The following AFDN variants were observed in gnomAD, a reference collection of about 807,000 sequenced individuals.
AFDN encodes afadin.
AFDN carries 68 observed loss-of-function variants against 216.6 expected under a neutral mutation model. The observed-to-expected ratio is 0.31, with a 90% confidence interval of 0.26 to 0.38. The LOEUF is 0.38. AFDN is among the 10% of genes least tolerant of loss of function. The probability of loss-of-function intolerance (pLI) is 1.00; values close to 1 mark genes in which losing one functional copy is unlikely to be tolerated. For missense variants in AFDN, 2,136 were observed against 2,342.0 expected (o/e 0.91, Z 1.82); for synonymous variants, 868 against 853.7 (o/e 1.02, Z -0.29).
rs1214479932 is a variant in AFDN, at chr6:167,970,024, G to T, written c.*89G>T. On this transcript the variant is annotated 3_prime_UTR_variant, in exon 34 of 34. Transcript: ENST00000683244. ...CGAGTTTGAAGAGGAAAAGAGGAAG[G>T]GGGTTATATTTCTAAGTGATTTACA... 9 of 1,005,864 alleles carry T rather than the reference G, an allele frequency of 8.9e-6. No homozygotes were observed. Among genetic ancestry groups the T allele is most frequent in the Non-Finnish European group, 1.1e-5 (8 of 707,184 alleles). The allele number at this position is 1,005,864 out of a possible 1,614,324, so 62.3% of individuals were successfully genotyped here. A position where few individuals can be genotyped will look rare whatever the true frequency, so the allele number is the denominator to read the frequency against.
chr6:167,931,978 A>G (rs1205168691), intron 23 of AFDN, among the ~76,000 whole-genome samples: 1 of 152,134 alleles, frequency 6.6e-6, no homozygotes, highest in African/African-American at 2.4e-5. Flanking sequence ...TTAATATAGT[A>G]GTAATAGTTA....
chr6:167,916,691 A>G (rs898829578), intron 19 of AFDN, among the ~76,000 whole-genome samples: 2 of 151,898 alleles, frequency 1.3e-5, no homozygotes, highest in African/African-American at 4.8e-5. Context: ...CCATTTTTAA[A>G]CCTTTTTTTA....
At chr6:167,881,872 G>C (rs1447114516) in intron 6 of AFDN, among the ~76,000 whole-genome samples, 1 of 152,188 alleles carries the variant, frequency 6.6e-6, no homozygotes, top group African/African-American at 2.4e-5. Context: ...AGAAAGATCT[G>C]TATAAAAATG....
At chr6:167,899,692 GGC>G (rs1788704327) in intron 11 of AFDN, among the ~76,000 whole-genome samples, 2 of 152,102 alleles carry the variant, frequency 1.3e-5, no homozygotes, top group Non-Finnish European at 2.9e-5. Flanking sequence ...TTATTTTTTA[GGC>G]TCACTGAGGT....
At chr6:167,828,289 C>G (rs1779433793) in intron 1 of AFDN, among the ~76,000 whole-genome samples, 1 of 152,196 alleles carries the variant, frequency 6.6e-6, no homozygotes, top group African/African-American at 2.4e-5. Flanking sequence ...AACATTCTTA[C>G]GAAATGTAAT....
In AFDN at chr6:167,907,184, T is replaced by C. The variant is rs1462921489; in HGVS notation, c.1664T>C (p.Leu555Pro). The change falls in exon 13 of 34, where the codon CTG (leucine) becomes CCG (proline). Residue 555 changes from leucine (L) to proline (P), a missense_variant. Physicochemically the swap from Leu to Pro is moderately conservative, Grantham distance 98 (BLOSUM62 -3). Around this residue, in one of 8 missense-constraint regions of AFDN, gnomAD observed 817 missense variants for 965.7 expected, o/e 0.85. Transcript: ENST00000683244. ...CTCTCCATGTAGAGCACCACTAGGCTGGACAGCGACAGAGTGTCGTCTGCC... is the reference window on the plus strand; with the variant it reads ...CTCTCCATGTAGAGCACCACTAGGCCGGACAGCGACAGAGTGTCGTCTGCC... ...ALPTSKSTTRLDSDRVSSASS... is the reference protein window; with the variant it reads ...ALPTSKSTTRPDSDRVSSASS... 1 of 1,614,112 alleles carries C rather than the reference T, an allele frequency of 6.2e-7. No individual in the cohort carries two copies. Among genetic ancestry groups the C allele is most frequent in the Admixed American group, 1.7e-5 (1 of 60,020 alleles).
chr6:167,946,796 A>G lies in AFDN; in HGVS notation c.3448A>G (p.Ser1150Gly), dbSNP rs746734371. The stretch of plus-strand genomic sequence containing the variant: ...TTCAACTCAAAATGGGTCTCCTGAG[A>G]GTCCTCAGCTGCCTTGGGCAGAATA... Reference protein sequence around the residue: ...NNSTQNGSPESPQLPWAEYSE... With the variant: ...NNSTQNGSPEGPQLPWAEYSE... The change falls in exon 27 of 34, where the codon AGT becomes GGT. Residue 1150 changes from serine (S) to glycine (G), a missense_variant. By Grantham distance (56) the Ser-to-Gly change is moderately conservative (BLOSUM62 0). Around this residue, in one of 8 missense-constraint regions of AFDN, gnomAD observed 981 missense variants for 966.0 expected, o/e 1.02. Transcript: ENST00000683244. The G allele has an allele frequency of 4.3e-6, 7 of 1,613,726 alleles. No individual in the cohort carries two copies. The highest frequency in any genetic ancestry group is 5.1e-6 in the Non-Finnish European group (6 of 1,179,874).
intron 1 of AFDN, among the ~76,000 whole-genome samples, chr6:167,832,183 A>G (rs1208188527): frequency 6.6e-6 from 1 of 152,222 alleles, no homozygotes; most frequent in Non-Finnish European, 1.5e-5. Flanking sequence ...TAAGTTGGAT[A>G]CTGAGCAGTG....
At chr6:167,851,231 T>G (rs1374957861) in intron 1 of AFDN, among the ~76,000 whole-genome samples, 1 of 152,222 alleles carries the variant, frequency 6.6e-6, no homozygotes, top group Non-Finnish European at 1.5e-5. Context: ...AGAGATAGGT[T>G]TTTTATACAC....
At chr6:167,872,010 C>T (rs1784850605) in intron 3 of AFDN, among the ~76,000 whole-genome samples, 1 of 152,108 alleles carries the variant, frequency 6.6e-6, no homozygotes, top group Admixed American at 6.5e-5. Context: ...CTTGAGTGTG[C>T]AGTTCAATTG....
At chr6:167,966,490 T>G (rs573907666) in intron 32 of AFDN, among the ~76,000 whole-genome samples, 6 of 152,232 alleles carry the variant, frequency 3.9e-5, no homozygotes, top group Non-Finnish European at 8.8e-5. Flanking sequence ...TACTCCGATT[T>G]CTTTTACACT....
intron 23 of AFDN, among the ~76,000 whole-genome samples, chr6:167,930,887 G>A (rs1793200908): frequency 1.3e-5 from 2 of 152,296 alleles, no homozygotes; most frequent in Middle Eastern, 6.8e-3. Context: ...AGTTTTTAAA[G>A]TTTATTTTTA....
intron 1 of AFDN, among the ~76,000 whole-genome samples, chr6:167,857,213 C>T (rs780210066): frequency 2.1e-5 from 3 of 146,324 alleles, no homozygotes; most frequent in Non-Finnish European, 3.1e-5. Context: ...AAAGAGAGAG[C>T]GAGAGATAGG....
At chr6:167,845,989 A>T (rs938115917) in intron 1 of AFDN, among the ~76,000 whole-genome samples, 2 of 152,044 alleles carry the variant, frequency 1.3e-5, no homozygotes, top group Non-Finnish European at 2.9e-5. Flanking sequence ...CCAGATGCTT[A>T]TAAAACCATC....
chr6:167,892,294 T>C (rs1359667238), intron 8 of AFDN, among the ~76,000 whole-genome samples: 1 of 152,190 alleles, frequency 6.6e-6, no homozygotes, highest in Non-Finnish European at 1.5e-5. Flanking sequence ...CTCACTGTAG[T>C]TTGGAAACAC....
At chr6:167,855,902 C>G (rs1038239623) in intron 1 of AFDN, among the ~76,000 whole-genome samples, 2 of 152,100 alleles carry the variant, frequency 1.3e-5, no homozygotes, top group African/African-American at 4.8e-5. Context: ...TCCCACCTAT[C>G]CACTGGTTCA....
chr6:167,918,236 A>G (rs779229867), intron 20 of AFDN, among the ~76,000 whole-genome samples: 2 of 152,234 alleles, frequency 1.3e-5, no homozygotes, highest in East Asian at 1.9e-4. Flanking sequence ...AATCACCCAT[A>G]AACCAATAAT....
chr6:167,868,442 T>A (rs954409974), intron 2 of AFDN, among the ~76,000 whole-genome samples: 29 of 152,224 alleles, frequency 1.9e-4, no homozygotes, highest in African/African-American at 6.5e-4. Context: ...AAACAAAGTG[T>A]ATCTCATATT....
At chr6:167,937,887 G>A (rs1165708451) in intron 23 of AFDN, among the ~76,000 whole-genome samples, 1 of 152,136 alleles carries the variant, frequency 6.6e-6, no homozygotes, top group Non-Finnish European at 1.5e-5. Context: ...CCTCATCGTA[G>A]GTTTTTAAAA....
Sources: gnomAD v4.1 joint callset for allele counts (sites outside exome capture counted in the v4.1 genomes callset) on GRCh38, gnomAD v4.1.1 for gene constraint, gnomAD v4.1.1 regional missense constraint, MANE v1.5 for transcripts, NCBI Gene and HGNC (gene_info 2026-07-23, HGNC 2026-07-21) for gene names.